IL16: variants seen among roughly 807,000 people sequenced by gnomAD.
IL16 encodes interleukin 16.
A neutral mutation model predicts 110.1 loss-of-function variants in IL16; 67 were observed. The observed-to-expected ratio is 0.61, with a 90% CI of 0.50 to 0.75. IL16 has a LOEUF of 0.75. IL16 is among the 30% of genes least tolerant of loss of function. The pLI is 0.00. For synonymous variants in IL16, 689 were observed against 662.9 expected, an observed-to-expected ratio of 1.04 and a Z score of -0.61; for missense variants, 1,545 against 1,655.0, an observed-to-expected ratio of 0.93 and a Z score of 1.15.
rs774299225 is a variant in IL16 at position 81,303,015 on chromosome 15, A to ATATGTG, written c.3319-533_3319-532insATGTGT. Among the ~76,000 whole-genome samples, 9 of 150,038 alleles carry ATATGTG rather than the reference A, an allele frequency of 6.0e-5. No homozygotes were observed. The South Asian group carries it at 1.7e-3, about 28-fold the overall frequency. On this transcript the variant is annotated intron_variant, in intron 15 of 18. Coordinates refer to ENST00000683961, the MANE Select transcript of IL16 (RefSeq NM_172217.5). This position sits in a 1 kb window ranked among gnomAD's most constrained non-coding sequence, Gnocchi z 4.1. ...GTCTAGGCTAGGAAGTACCGTAGTA[A>ATATGTG]TGTGTGTGTGTGTGTGTGTGTGTGT...
chr15:81,196,702 G>A (rs1407721328), upstream of IL16, among the ~76,000 whole-genome samples: 1 of 152,234 alleles, frequency 6.6e-6, no homozygotes, highest in Non-Finnish European at 1.5e-5. Flanking sequence ...TGGTTCTGTG[G>A]CTCTGCACTG....
chr15:81,230,552 T>C, intron 2 of IL16, among the ~76,000 whole-genome samples: 1 of 152,166 alleles, frequency 6.6e-6, no homozygotes, highest in East Asian at 1.9e-4. Flanking sequence ...GGTGTAAGCA[T>C]AGTTAATTCT....
intron 1 of IL16, among the ~76,000 whole-genome samples, chr15:81,184,123 C>T (rs1168180557): frequency 6.6e-6 from 1 of 152,180 alleles, no homozygotes; most frequent in Non-Finnish European, 1.5e-5. Context: ...CCTTTGGAGG[C>T]AGATGACATG....
chr15:81,206,906 T>A (rs1162519424), intron 1 of IL16, among the ~76,000 whole-genome samples: 2 of 144,184 alleles, frequency 1.4e-5, no homozygotes, highest in African/African-American at 5.1e-5. Flanking sequence ...GATGACATGG[T>A]GGCAATAAAA....
At chr15:81,187,693 A>C (rs759310353) in intron 1 of IL16, among the ~76,000 whole-genome samples, 6 of 152,292 alleles carry the variant, frequency 3.9e-5, no homozygotes, top group Middle Eastern at 3.4e-3. Context: ...ACTTGTTGCT[A>C]ACTTTAAAGA....
intron 1 of IL16, among the ~76,000 whole-genome samples, chr15:81,223,463 G>C (rs1292638050): frequency 6.6e-6 from 1 of 152,222 alleles, no homozygotes; most frequent in Non-Finnish European, 1.5e-5. Flanking sequence ...AATAATCAAT[G>C]AGACGGTAGA....
chr15:81,241,225 C>T (rs1373272916), intron 2 of IL16, among the ~76,000 whole-genome samples: 1 of 151,872 alleles, frequency 6.6e-6, no homozygotes, highest in East Asian at 1.9e-4. Context: ...GTATTGTTCT[C>T]TTGTATGAAA....
At chr15:81,277,841 A>G (rs1047550226) in intron 6 of IL16, among the ~76,000 whole-genome samples, 5 of 152,186 alleles carry the variant, frequency 3.3e-5, no homozygotes, top group Non-Finnish European at 5.9e-5. Context: ...CATAGTATTT[A>G]TATCTGAGTT....
upstream of IL16, chr15:81,196,819 C>G: frequency 9.0e-7 from 1 of 1,112,138 alleles, no homozygotes; most frequent in South Asian, 2.1e-5. Flanking sequence ...AGCCTTTTCA[C>G]GTGGAGCAGT....
rs1295831464 is a variant in IL16 at position 81,312,371 on chromosome 15, G to C, written c.*3573G>C. 6.6e-6 allele frequency: 1 copy of C among 152,260 alleles called. No homozygotes were observed. Among genetic ancestry groups the C allele is most frequent in the Admixed American group, 6.5e-5 (1 of 15,284 alleles). 9.4% of individuals were successfully genotyped at this position (152,260 alleles called of 1,614,324 possible). A position where few individuals can be genotyped will look rare whatever the true frequency, so the allele number is the denominator to read the frequency against. On this transcript the variant is annotated 3_prime_UTR_variant, in exon 19 of 19. Coordinates refer to ENST00000683961, the MANE Select transcript of IL16 (RefSeq NM_172217.5). Reference sequence around the variant, plus strand: ...GCCTACTCTTCCATCTTTCCTGATGGCAGGATGGCCTGGCCAGGGCCTGGA... The same window carrying C: ...GCCTACTCTTCCATCTTTCCTGATGCCAGGATGGCCTGGCCAGGGCCTGGA...
intron 1 of IL16, among the ~76,000 whole-genome samples, chr15:81,223,249 G>A (rs1896678856): frequency 6.6e-6 from 1 of 152,104 alleles, no homozygotes; most frequent in Admixed American, 6.6e-5. Context: ...GCTTGAAGAG[G>A]AGGTAAGCAT....
chr15:81,294,745 A>G (rs17875492), intron 12 of IL16, among the ~76,000 whole-genome samples: 1 of 152,018 alleles, frequency 6.6e-6, no homozygotes, highest in African/African-American at 2.4e-5. Context: ...GCACGACATA[A>G]TTTTATTGGG....
intron 2 of IL16, among the ~76,000 whole-genome samples, chr15:81,257,936 G>T (rs980871410): frequency 1.3e-5 from 2 of 152,074 alleles, no homozygotes; most frequent in Non-Finnish European, 2.9e-5. Flanking sequence ...GACAGCCACA[G>T]AAAGACATCC....
At chr15:81,262,813 C>T (rs1368225670) in intron 3 of IL16, among the ~76,000 whole-genome samples, 5 of 152,172 alleles carry the variant, frequency 3.3e-5, no homozygotes, top group Non-Finnish European at 2.9e-5. Flanking sequence ...CGCCTGTAAT[C>T]CCAGCTACTC....
In IL16 at chr15:81,308,893, A is replaced by T. The variant is rs1900710311; in HGVS notation, c.*95A>T. The T allele has an allele frequency of 8.7e-7, 1 of 1,144,178 alleles. No homozygotes were observed. 70.9% of individuals were successfully genotyped at this position (1,144,178 alleles called of 1,614,324 possible). On this transcript the variant is annotated 3_prime_UTR_variant, in exon 19 of 19. Transcript: ENST00000683961. ...GGGTCTCTGCTGCCGCCCCACCCAG[A>T]TGGGGGAAAGCACAGGTGGGCTTCC...
chr15:81,301,666 C>G (rs1596054533), intron 15 of IL16, among the ~76,000 whole-genome samples, 154 bp downstream of exon 15: 1 of 152,336 alleles, frequency 6.6e-6, no homozygotes, highest in South Asian at 2.1e-4. Flanking sequence ...CACTTGACCA[C>G]AGTAAGACCT....
In IL16 at chr15:81,313,677, C is replaced by T. The variant is rs1900988882; in HGVS notation, c.*4879C>T. The T allele has an allele frequency of 3.8e-6, 1 of 264,270 alleles. No homozygotes were observed. The allele number at this position is 264,270 out of a possible 1,614,324, so 16.4% of individuals were successfully genotyped here. A position where few individuals can be genotyped will look rare whatever the true frequency, so the allele number is the denominator to read the frequency against. On this transcript the variant is annotated 3_prime_UTR_variant, in exon 19 of 19. Transcript: ENST00000683961. ...AGCCCAAAAACCCAGTACCCTGCTG[C>T]CCGATTCACTCAGCAAATGCTTTCA...
Position 81,249,946 on chromosome 15 carries a change from A to T in IL16, c.313-9826A>T, listed in dbSNP as rs1156473249. 2.0e-5 allele frequency among the ~76,000 whole-genome samples: 3 copies of T among 152,038 alleles called. No individual in the cohort carries two copies. The East Asian group carries it at 5.8e-4, about 29-fold the overall frequency. On this transcript the variant is annotated intron_variant, in intron 2 of 18. Transcript: ENST00000683961. Reference sequence around the variant, plus strand: ...TTTAACACTGTCTAATACACTTTTCATCCATCTATTTAATTTTTAATATGA... The same window carrying T: ...TTTAACACTGTCTAATACACTTTTCTTCCATCTATTTAATTTTTAATATGA...
At chr15:81,305,660 A>G in intron 16 of IL16, 1 of 546,204 alleles carries the variant, frequency 1.8e-6, no homozygotes, top group South Asian at 2.1e-5. Flanking sequence ...GTGGTACACT[A>G]TAGGACGTTG....
Sources: gnomAD v4.1 joint callset for allele counts (sites outside exome capture counted in the v4.1 genomes callset) on GRCh38, gnomAD v4.1.1 for gene constraint, Gnocchi (gnomAD v3.1) non-coding constraint, MANE v1.5 for transcripts, NCBI Gene and HGNC (gene_info 2026-07-23, HGNC 2026-07-21) for gene names.